EHD3: variants seen among roughly 807,000 people sequenced by gnomAD.
EHD3 encodes the protein EH domain containing 3, also known as EH domain-containing protein 3.
Under a neutral mutation model 43.0 loss-of-function variants are expected in EHD3, and 17 were observed. That is an observed-to-expected ratio of 0.40 (90% CI 0.27 to 0.59). EHD3 has a LOEUF of 0.59. Ranked by LOEUF, EHD3 falls within the 20% of genes least tolerant of loss-of-function variation. The probability of loss-of-function intolerance (pLI) is 0.49; values close to 1 mark genes in which losing one functional copy is unlikely to be tolerated. For missense variants in EHD3, 594 were observed against 705.6 expected (o/e 0.84, Z 1.79); for synonymous variants, 313 against 289.5 (o/e 1.08, Z -0.82).
At chr2:31,236,378 A>G (rs1020301888) in intron 1 of EHD3, among the ~76,000 whole-genome samples, 5 of 152,220 alleles carry the variant, frequency 3.3e-5, no homozygotes, top group Non-Finnish European at 7.3e-5. Context: ...TTAACTTTCT[A>G]TCTTTAGAAA....
rs1683683777 is a variant in EHD3, at chr2:31,253,673, A to T, written c.502+4205A>T. ...GAGCACTCGGGCCCCAGGCTGGACTAGGGCGGCAAAGGGTCGTCCTTGCTC... is the reference window on the plus strand; with the variant it reads ...GAGCACTCGGGCCCCAGGCTGGACTTGGGCGGCAAAGGGTCGTCCTTGCTC... On this transcript the variant is annotated intron_variant, in intron 3 of 5. Transcript: ENST00000322054. 2.6e-5 allele frequency among the ~76,000 whole-genome samples: 4 copies of T among 152,266 alleles called. No individual in the cohort carries two copies. The South Asian group carries it at 8.3e-4, about 32-fold the overall frequency.
Position 31,244,310 on chromosome 2 carries a change from T to A in EHD3, c.264T>A (p.Ile88=). ...LLEQDFPGMR[I]GPEPTTDSFI... ...AACAGGACTTCCCAGGCATGAGGAT[T>A]GGGCCTGAGCCCACCACAGACTCCT... Residue 88 remains isoleucine, a synonymous_variant, in exon 2 of 6, where the codon ATT becomes ATA. Transcript: ENST00000322054. 1 of 1,614,138 alleles carries A rather than the reference T, an allele frequency of 6.2e-7. No individual in the cohort carries two copies. The highest frequency in any genetic ancestry group is 8.5e-7 in the Non-Finnish European group (1 of 1,179,986).
chr2:31,240,498 T>C (rs761134941), intron 1 of EHD3, among the ~76,000 whole-genome samples: 1 of 152,224 alleles, frequency 6.6e-6, no homozygotes, highest in Non-Finnish European at 1.5e-5. Context: ...CCGACTGTGC[T>C]GCCTGGACTT....
At chr2:31,248,334 C>T (rs1381896035) in intron 2 of EHD3, among the ~76,000 whole-genome samples, 1 of 152,180 alleles carries the variant, frequency 6.6e-6, no homozygotes, top group South Asian at 2.1e-4. Context: ...GTGCCTCCTC[C>T]TCCAGGAAGC....
intron 1 of EHD3, among the ~76,000 whole-genome samples, chr2:31,239,093 G>A (rs1386374652): frequency 1.3e-5 from 2 of 152,182 alleles, no homozygotes; most frequent in African/African-American, 4.8e-5. Context: ...CCACCCCAAA[G>A]GTGCCTTCGC....
rs1683825314 is a variant in EHD3, at chr2:31,260,208, A to G, written c.503-302A>G. ...AGAGCAAGACTCCGTCTCAAAAAAA[A>G]AAGTAACTAGCATTTACTGAGCACC... is the stretch of plus-strand genomic sequence containing the variant. On this transcript the variant is annotated intron_variant, in intron 3 of 5. Transcript: ENST00000322054. This position sits in a 1 kb window ranked among gnomAD's most constrained non-coding sequence, Gnocchi z 4.6. Among the ~76,000 whole-genome samples the G allele has an allele frequency of 6.6e-6, 1 of 152,220 alleles. No homozygotes were observed. The highest frequency in any genetic ancestry group is 2.1e-4 in the South Asian group (1 of 4,828).
chr2:31,261,426 C>A, intron 4 of EHD3, 123 bp from the exon 5 acceptor site: 1 of 1,211,600 alleles, frequency 8.3e-7, no homozygotes, highest in South Asian at 1.5e-5. Context: ...GAAATTATTT[C>A]AAAAGTAGGA....
At chr2:31,249,141 C>A (rs1405713470) in intron 2 of EHD3, among the ~76,000 whole-genome samples, 2 of 152,176 alleles carry the variant, frequency 1.3e-5, no homozygotes, top group African/African-American at 4.8e-5. Context: ...ACCAAACACA[C>A]CCGGGTGCAG....
At position 31,266,190 on chromosome 2, in the gene EHD3, C is replaced by T; in HGVS notation, c.1094C>T (p.Ala365Val). 2 of 1,611,086 alleles carry T rather than the reference C, an allele frequency of 1.2e-6. No individual in the cohort carries two copies. Among genetic ancestry groups the T allele is most frequent in the Non-Finnish European group, 1.7e-6 (2 of 1,177,674 alleles). Residue 365 changes from alanine (A) to valine (V), a missense_variant, in exon 6 of 6, where the codon GCC becomes GTC. Transcript: ENST00000322054. This position sits in a 1 kb window ranked among gnomAD's most constrained non-coding sequence, Gnocchi z 5.1. ...TCCTCTTCCCAGGACCAGCTGCAGG[C>T]CCAGGACTTTAGCAAGTTCCAGCCG... ...NLKRMQDQLQ[A>V]QDFSKFQPLK...
intron 1 of EHD3, among the ~76,000 whole-genome samples, chr2:31,238,510 C>T (rs916804442): frequency 1.3e-5 from 2 of 152,250 alleles, no homozygotes; most frequent in Non-Finnish European, 2.9e-5. Context: ...TAAGGCCCGG[C>T]AACACAGAGT....
intron 5 of EHD3, 125 bp downstream of exon 5, chr2:31,261,838 GGA>G: frequency 9.6e-7 from 1 of 1,045,952 alleles, no homozygotes; most frequent in South Asian, 2.8e-5. Flanking sequence ...CTGCAGGCAA[GGA>G]GGTGGCCCTG....
chr2:31,266,819 T>C lies in EHD3; in HGVS notation c.*115T>C. 6 of 1,296,514 alleles carry C rather than the reference T, an allele frequency of 4.6e-6. No individual in the cohort carries two copies. Among genetic ancestry groups the C allele is most frequent in the Middle Eastern group, 4.7e-4 (2 of 4,274 alleles). The allele number at this position is 1,296,514 out of a possible 1,614,324, so 80.3% of individuals were successfully genotyped here. A position where few individuals can be genotyped will look rare whatever the true frequency, so the allele number is the denominator to read the frequency against. On this transcript the variant is annotated 3_prime_UTR_variant, in exon 6 of 6. Transcript: ENST00000322054. The surrounding 1 kb of genome is among the most constrained non-coding windows in gnomAD (Gnocchi z 5.1). ...AAACATGCACACACACATATGCATATCTTGACATTGCTCTGTAGGTGAGAG... is the reference window on the plus strand; with the variant it reads ...AAACATGCACACACACATATGCATACCTTGACATTGCTCTGTAGGTGAGAG...
intron 1 of EHD3, among the ~76,000 whole-genome samples, chr2:31,236,297 T>A (rs1446128645): frequency 6.6e-6 from 1 of 152,224 alleles, no homozygotes; most frequent in Non-Finnish European, 1.5e-5. Context: ...GTGATGGGCC[T>A]GTTGGCTCTT....
chr2:31,239,128 C>T (rs147663599), intron 1 of EHD3, among the ~76,000 whole-genome samples: 20 of 152,354 alleles, frequency 1.3e-4, no homozygotes, highest in Middle Eastern at 3.4e-3. Context: ...CACCAGCTCT[C>T]ATCACCACCC....
At position 31,266,439 on chromosome 2, in the gene EHD3, A is replaced by G. The variant is rs959263042; in HGVS notation, c.1343A>G (p.Tyr448Cys). The change falls in exon 6 of 6, where the codon TAC becomes TGC. Residue 448 changes from tyrosine (Y) to cysteine (C), a missense_variant. Coordinates refer to ENST00000322054, the MANE Select transcript of EHD3 (RefSeq NM_014600.3). The surrounding 1 kb of genome is among the most constrained non-coding windows in gnomAD (Gnocchi z 5.1). The stretch of plus-strand genomic sequence containing the variant: ...GTGGTGGCCAGGGACAAGCCCATGT[A>G]CGACGAGATCTTCTACACCCTGTCA... Reference protein sequence around the residue: ...EWVVARDKPMYDEIFYTLSPV... With the variant: ...EWVVARDKPMCDEIFYTLSPV... 3.1e-6 allele frequency: 5 copies of G among 1,613,952 alleles called. No individual in the cohort carries two copies. The African/African-American group carries it at 4.0e-5, about 13-fold the overall frequency.
intron 2 of EHD3, 66 bp downstream of exon 2, chr2:31,244,516 A>G: frequency 6.5e-7 from 1 of 1,548,378 alleles, no homozygotes; most frequent in Non-Finnish European, 8.8e-7. Context: ...GGGGAGTGAA[A>G]GAACAGTAGG....
chr2:31,257,293 G>A (rs1356070638), intron 3 of EHD3, among the ~76,000 whole-genome samples: 1 of 152,222 alleles, frequency 6.6e-6, no homozygotes. Flanking sequence ...CTGAAGGGAA[G>A]ATAAAAATAG....
intron 3 of EHD3, among the ~76,000 whole-genome samples, chr2:31,253,278 A>ACG (rs1368069908): frequency 6.7e-6 from 1 of 150,170 alleles, no homozygotes; most frequent in Non-Finnish European, 1.5e-5. Context: ...ACACACACAC[A>ACG]CAAATGTGTG....
intron 1 of EHD3, among the ~76,000 whole-genome samples, chr2:31,239,693 T>C (rs1389884558): frequency 6.6e-6 from 1 of 152,170 alleles, no homozygotes; most frequent in Non-Finnish European, 1.5e-5. Flanking sequence ...GACCCGCAGT[T>C]TCCTTATCCA....
Sources: gnomAD v4.1 joint callset for allele counts (sites outside exome capture counted in the v4.1 genomes callset) on GRCh38, gnomAD v4.1.1 for gene constraint, Gnocchi (gnomAD v3.1) non-coding constraint, MANE v1.5 for transcripts, NCBI Gene and HGNC (gene_info 2026-07-23, HGNC 2026-07-21) for gene names.